The following TPR variants were observed in gnomAD, a reference collection of about 807,000 sequenced individuals.
TPR encodes the protein nucleoprotein TPR.
TPR carries 51 observed loss-of-function variants against 316.1 expected under a neutral mutation model. The ratio of observed to expected loss-of-function variants is 0.16; its 90% CI spans 0.13 to 0.20. TPR has a LOEUF of 0.20. TPR is among the 10% of genes least tolerant of loss of function. The pLI is 1.00. For missense variants in TPR, 2,272 were observed against 2,754.8 expected, an observed-to-expected ratio of 0.82 and a Z score of 3.92; for synonymous variants, 981 against 914.7, an observed-to-expected ratio of 1.07 and a Z score of -1.31.
At chr1:186,365,707 A>G (rs1321277844) in intron 4 of TPR, among the ~76,000 whole-genome samples, 1 of 152,260 alleles carries the variant, frequency 6.6e-6, no homozygotes, top group African/African-American at 2.4e-5. Context: ...CAAGGCTGAA[A>G]TAATAAATTC....
At chr1:186,337,951 G>A in intron 31 of TPR, 82 bp downstream of exon 31, 2 of 1,152,318 alleles carry the variant, frequency 1.7e-6, no homozygotes, top group Middle Eastern at 2.9e-4. Flanking sequence ...CTAAAAGCTA[G>A]TAATATTCAA....
chr1:186,356,233 C>A, intron 15 of TPR, 53 bp downstream of exon 15: 1 of 1,456,406 alleles, frequency 6.9e-7, no homozygotes, highest in South Asian at 1.4e-5. Context: ...CAAAATTAAT[C>A]CCTTAATATA....
rs770607725 is a variant in TPR, at chr1:186,350,397, T to C, written c.2611-9A>G. 3 of 1,560,640 alleles carry C rather than the reference T, an allele frequency of 1.9e-6. No homozygotes were observed. The highest frequency in any genetic ancestry group is 1.2e-5 in the South Asian group (1 of 84,526). ...GTATCTAAAAGTTGAACCTATAAAA[T>C]ACATTAATCTTATAACATTCTTTAG... On this transcript the variant is annotated splice_polypyrimidine_tract_variant and intron_variant, in intron 20 of 50. Coordinates refer to ENST00000367478, the MANE Select transcript of TPR (RefSeq NM_003292.3).
intron 36 of TPR, 144 bp from the exon 37 acceptor site, chr1:186,333,538 A>C: frequency 3.2e-6 from 3 of 931,180 alleles, no homozygotes; most frequent in Admixed American, 2.9e-5. Flanking sequence ...GTAATGTATT[A>C]TGCATTTTTA....
chr1:186,359,665 T>TTA (rs1233100310), intron 12 of TPR, 134 bp downstream of exon 12: 1 of 866,856 alleles, frequency 1.2e-6, no homozygotes, highest in Admixed American at 3.7e-5. Flanking sequence ...CAGTGTTTAA[T>TTA]AAGTTTCAAA....
intron 39 of TPR, among the ~76,000 whole-genome samples, chr1:186,328,594 G>A (rs1881444): frequency 0.021 from 3,189 of 151,998 alleles, 119 homozygotes; most frequent in African/African-American, 0.07. Context: ...TTAAACAGAA[G>A]GTTTTCCCAA....
chr1:186,363,196 G>T, intron 5 of TPR, 146 bp downstream of exon 5: 1 of 948,138 alleles, frequency 1.1e-6, no homozygotes, highest in Non-Finnish European at 1.6e-6. Flanking sequence ...AGATGAACTA[G>T]AATTGTCCTA....
At chr1:186,321,417 G>T (rs1295565133) in intron 45 of TPR, among the ~76,000 whole-genome samples, 11 of 152,190 alleles carry the variant, frequency 7.2e-5, no homozygotes, top group Non-Finnish European at 1.5e-4. Context: ...TTTAAGAGGA[G>T]TGGTATAGCA....
chr1:186,371,168 T>C (rs1659513727), intron 2 of TPR, 125 bp from the exon 3 acceptor site: 1 of 716,594 alleles, frequency 1.4e-6, no homozygotes. Flanking sequence ...AAGACTGCAT[T>C]GTACATCACA....
chr1:186,327,437 A>G, intron 40 of TPR, 23 bp downstream of exon 40: 1 of 1,603,634 alleles, frequency 6.2e-7, no homozygotes, highest in Non-Finnish European at 8.5e-7. Flanking sequence ...TAAAAACACT[A>G]GATGATTTCA....
chr1:186,350,213 T>A lies in TPR; in HGVS notation c.2776+10A>T. ...ATTTACAATTATATTGGTCTACTTA[T>A]TTTATTTACCTTTACCAGTTCTCTG... On this transcript the variant is annotated intron_variant, in intron 21 of 50. Coordinates refer to ENST00000367478, the MANE Select transcript of TPR (RefSeq NM_003292.3). 6.3e-7 allele frequency: 1 copy of A among 1,594,172 alleles called. No homozygotes were observed. Among genetic ancestry groups the A allele is most frequent in the Non-Finnish European group, 8.5e-7 (1 of 1,173,570 alleles).
rs762721002 is a variant in TPR at position 186,360,013 on chromosome 1, G to T, written c.1192-17C>A. 2 of 1,599,610 alleles carry T rather than the reference G, an allele frequency of 1.3e-6. No homozygotes were observed. The highest frequency in any genetic ancestry group is 3.5e-5 in the Admixed American group (2 of 56,650). On this transcript the variant is annotated splice_polypyrimidine_tract_variant and intron_variant, in intron 11 of 50. Coordinates refer to ENST00000367478, the MANE Select transcript of TPR (RefSeq NM_003292.3). ...ATTATAGAGCTGAAAGTAGACAAAG[G>T]GTTGTTTCAAATCTAACCATAACAA...
rs1422521990 is a variant in TPR at position 186,321,204 on chromosome 1, TG to T, written c.6462-787del. Among the ~76,000 whole-genome samples, 6 of 152,204 alleles carry T rather than the reference TG, an allele frequency of 3.9e-5. No individual in the cohort carries two copies. In the East Asian group the frequency reaches 7.7e-4, roughly 20 times the overall value. The stretch of plus-strand genomic sequence containing the variant: ...AAATTGATTGGCTGGTTTGTAAGAA[TG>T]TGTTAGCCAAGGTAAATTGTGGCTA... On this transcript the variant is annotated intron_variant, in intron 45 of 50. Transcript: ENST00000367478.
rs1657467919 is a variant in TPR, at chr1:186,313,891, A to C, written c.*80T>G. 1.3e-6 allele frequency: 2 copies of C among 1,524,554 alleles called. No homozygotes were observed. Among genetic ancestry groups the C allele is most frequent in the Admixed American group, 3.4e-5 (2 of 59,520 alleles). 94.4% of individuals were successfully genotyped at this position (1,524,554 alleles called of 1,614,324 possible). A position where few individuals can be genotyped will look rare whatever the true frequency, so the allele number is the denominator to read the frequency against. On this transcript the variant is annotated 3_prime_UTR_variant, in exon 51 of 51. Coordinates refer to ENST00000367478, the MANE Select transcript of TPR (RefSeq NM_003292.3). ...CATGAGTATACCAGTTTATATATAAAAATGTTTTTAAACTTGACAATCATT... is the reference window on the plus strand; with the variant it reads ...CATGAGTATACCAGTTTATATATAACAATGTTTTTAAACTTGACAATCATT...
rs902843640 is a variant in TPR, at chr1:186,332,130, T to C, written c.5604+65A>G. On this transcript the variant is annotated intron_variant, in intron 38 of 50. Coordinates refer to ENST00000367478, the MANE Select transcript of TPR (RefSeq NM_003292.3). ...CAAAAGGTTAATTTTCTTTAGGCTG[T>C]AGCTGAAAAGAGTACCTTAACTCTA... The C allele has an allele frequency of 1.6e-5, 24 of 1,507,680 alleles. No homozygotes were observed. The African/African-American group carries it at 3.0e-4, about 19-fold the overall frequency. The allele number at this position is 1,507,680 out of a possible 1,614,324, so 93.4% of individuals were successfully genotyped here. A position where few individuals can be genotyped will look rare whatever the true frequency, so the allele number is the denominator to read the frequency against.
In TPR at chr1:186,334,529, T is replaced by C. The variant is rs1658280141; in HGVS notation, c.4978A>G (p.Ser1660Gly). The C allele has an allele frequency of 1.1e-5, 18 of 1,612,278 alleles. No individual in the cohort carries two copies. Among genetic ancestry groups the C allele is most frequent in the Non-Finnish European group, 1.5e-5 (18 of 1,178,902 alleles). The change falls in exon 36 of 51, where the codon AGC becomes GGC. Residue 1660 changes from serine (S) to glycine (G), a missense_variant. This residue lies in a region of TPR where 109 missense variants were observed against 215.3 expected (regional missense o/e 0.51). Transcript: ENST00000367478. ...TTGGCTGTTGGTGGGTCTGATGTGC[T>C]GGCACTTATAGAGGAGAAAATGGAA... ...TPASGERGIA[S>G]TSDPPTANIK...
At chr1:186,359,683 T>G in intron 12 of TPR, 116 bp downstream of exon 12, 1 of 1,041,364 alleles carries the variant, frequency 9.6e-7, no homozygotes, top group Non-Finnish European at 1.4e-6. Flanking sequence ...AAAATGTGTT[T>G]ATTGAAAATC....
chr1:186,330,612 T>C (rs935806241), intron 39 of TPR, among the ~76,000 whole-genome samples: 9 of 152,116 alleles, frequency 5.9e-5, no homozygotes, highest in African/African-American at 2.2e-4. Flanking sequence ...CTGCTGAATA[T>C]GCATGACTCT....
At position 186,344,536 on chromosome 1, in the gene TPR, A is replaced by G; in HGVS notation, c.3256T>C (p.Leu1086=). ...TCAACATCAGCAGCATGCAGCATCA[A>G]TTCTCTCTCATACTTATTCTGAGCT... ...VEAQNKYERE[L]MLHAADVEAL... is the part of the protein sequence containing the mutation. Residue 1086 remains leucine, a synonymous_variant, in exon 25 of 51, where the codon TTG becomes CTG. Transcript: ENST00000367478. The G allele has an allele frequency of 6.2e-7, 1 of 1,610,052 alleles. No homozygotes were observed. Among genetic ancestry groups the G allele is most frequent in the Non-Finnish European group, 8.5e-7 (1 of 1,178,478 alleles).
Sources: gnomAD v4.1 joint callset for allele counts (sites outside exome capture counted in the v4.1 genomes callset) on GRCh38, gnomAD v4.1.1 for gene constraint, gnomAD v4.1.1 regional missense constraint, MANE v1.5 for transcripts, NCBI Gene and HGNC (gene_info 2026-07-23, HGNC 2026-07-21) for gene names.